The following CCDC83 variants were observed in gnomAD, a reference collection of about 807,000 sequenced individuals.
CCDC83 encodes coiled-coil domain containing 83, also known as coiled-coil domain-containing protein 83.
Under a neutral mutation model 50.1 loss-of-function variants are expected in CCDC83, and 54 were observed. The ratio of observed to expected loss-of-function variants is 1.08; its 90% CI spans 0.87 to 1.35. The LOEUF is 1.35. Among genes scored for constraint, CCDC83 ranks in the 40% most tolerant of loss-of-function variants. The pLI is 0.00. For missense variants in CCDC83, 518 were observed against 473.9 expected (o/e 1.09, Z -0.86); for synonymous variants, 161 against 153.3 (o/e 1.05, Z -0.37).
intron 8 of CCDC83, among the ~76,000 whole-genome samples, chr11:85,914,565 A>G (rs1037723341): frequency 2.0e-5 from 3 of 152,190 alleles, no homozygotes; most frequent in East Asian, 1.9e-4. Flanking sequence ...TCTCAAAACG[A>G]AAACCACTCA....
chr11:85,873,148 T>C, intron 2 of CCDC83, 63 bp from the exon 3 acceptor site: 1 of 856,472 alleles, frequency 1.2e-6, no homozygotes, highest in Non-Finnish European at 1.8e-6. Flanking sequence ...AAATACCTTT[T>C]AAATTTTTTC....
chr11:85,862,228 C>G (rs923315441), intron 1 of CCDC83, among the ~76,000 whole-genome samples: 3 of 151,934 alleles, frequency 2.0e-5, no homozygotes, highest in Non-Finnish European at 4.4e-5. Context: ...ATATTTATTG[C>G]AAGATTTTAT....
At chr11:85,887,139 T>A (rs1341618259) in intron 5 of CCDC83, among the ~76,000 whole-genome samples, 4 of 151,854 alleles carry the variant, frequency 2.6e-5, no homozygotes, top group Admixed American at 2.0e-4. Context: ...GGAACAAACA[T>A]GAGATGAGAA....
chr11:85,877,383 G>T (rs1407610578), intron 3 of CCDC83, among the ~76,000 whole-genome samples: 2 of 152,192 alleles, frequency 1.3e-5, no homozygotes, highest in African/African-American at 4.8e-5. Flanking sequence ...GAGGCAGGAA[G>T]ATGCTTGAGC....
intron 10 of CCDC83, chr11:85,916,463 T>C: frequency 2.2e-6 from 1 of 458,386 alleles, no homozygotes; most frequent in South Asian, 2.4e-5. Context: ...GTATACAAAG[T>C]AAGTTATCTA....
intron 5 of CCDC83, among the ~76,000 whole-genome samples, chr11:85,886,763 A>G (rs1480611701): frequency 5.3e-5 from 8 of 152,266 alleles, no homozygotes; most frequent in African/African-American, 1.9e-4. Context: ...AAATTAAAAA[A>G]TCAGTTGGGC....
intron 1 of CCDC83, among the ~76,000 whole-genome samples, chr11:85,862,253 G>A (rs754048408): frequency 2.0e-5 from 3 of 152,096 alleles, no homozygotes; most frequent in Non-Finnish European, 4.4e-5. Flanking sequence ...GAAAATGATG[G>A]AGTAGATTCT....
chr11:85,860,301 CAAAAAA>C (rs56657675), intron 1 of CCDC83, among the ~76,000 whole-genome samples: 3 of 55,944 alleles, frequency 5.4e-5, no homozygotes, highest in Admixed American at 1.8e-4. Flanking sequence ...GACTCCGTCT[CAAAAAA>C]AAAAAAAAAA....
chr11:85,906,726 T>A (rs925102843), intron 7 of CCDC83, among the ~76,000 whole-genome samples: 25 of 150,096 alleles, frequency 1.7e-4, no homozygotes, highest in Middle Eastern at 3.4e-3. Flanking sequence ...AAAAAAAAAA[T>A]TTTTTTAAAG....
At chr11:85,915,667 T>C (rs1479332090) in intron 9 of CCDC83, among the ~76,000 whole-genome samples, 169 bp downstream of exon 9, 1 of 152,166 alleles carries the variant, frequency 6.6e-6, no homozygotes, top group East Asian at 1.9e-4. Flanking sequence ...TCCTAATCTA[T>C]CTCCTGTCTG....
chr11:85,905,969 C>CA (rs760367430), intron 7 of CCDC83, among the ~76,000 whole-genome samples: 1,949 of 46,732 alleles, frequency 0.042, 87 homozygotes, highest in African/African-American at 0.086. Flanking sequence ...GACTCCGTCT[C>CA]AAAAAAAAAA....
At chr11:85,864,089 G>C (rs899824776) in intron 1 of CCDC83, among the ~76,000 whole-genome samples, 2 of 152,166 alleles carry the variant, frequency 1.3e-5, no homozygotes, top group Admixed American at 6.5e-5. Flanking sequence ...TAGGATTAAA[G>C]CCCATGTCTG....
intron 6 of CCDC83, among the ~76,000 whole-genome samples, chr11:85,897,892 C>A (rs947909726): frequency 1.3e-5 from 2 of 152,168 alleles, no homozygotes; most frequent in Non-Finnish European, 2.9e-5. Flanking sequence ...CGCGGTGGCT[C>A]ACACCTGTAA....
At chr11:85,879,966 C>T (rs1209429080) in intron 3 of CCDC83, among the ~76,000 whole-genome samples, 1 of 152,118 alleles carries the variant, frequency 6.6e-6, no homozygotes, top group East Asian at 1.9e-4. Context: ...GATCTCTATG[C>T]CTACCCCTCT....
intron 7 of CCDC83, among the ~76,000 whole-genome samples, chr11:85,904,775 C>T (rs1049958265): frequency 6.6e-6 from 1 of 152,198 alleles, no homozygotes. Flanking sequence ...TCTGCCCAGA[C>T]ACTCAAGATA....
intron 2 of CCDC83, among the ~76,000 whole-genome samples, chr11:85,866,828 A>G (rs1390833049): frequency 6.6e-6 from 1 of 152,192 alleles, no homozygotes; most frequent in Non-Finnish European, 1.5e-5. Flanking sequence ...AACAGGCATT[A>G]TGGAAACTCA....
At position 85,900,251 on chromosome 11, in the gene CCDC83, C is replaced by G. The variant is rs149764490; in HGVS notation, c.672+1236C>G. 8.1e-3 allele frequency among the ~76,000 whole-genome samples: 1,229 copies of G among 152,296 alleles called. 9 individuals carry two copies. Among genetic ancestry groups the G allele is most frequent in the Non-Finnish European group, 0.012 (823 of 68,008 alleles). On this transcript the variant is annotated intron_variant, in intron 7 of 10. Transcript: ENST00000342404. ...ATCAGTAAGCATCTGCCATCACCCTCTACAATTTCCCTCACATACCACCAA... is the reference window on the plus strand; with the variant it reads ...ATCAGTAAGCATCTGCCATCACCCTGTACAATTTCCCTCACATACCACCAA...
intron 10 of CCDC83, among the ~76,000 whole-genome samples, chr11:85,918,775 G>A (rs2093494766): frequency 6.6e-6 from 1 of 152,176 alleles, no homozygotes; most frequent in South Asian, 2.1e-4. Context: ...AAAGCAGGAA[G>A]GTATGGTCAT....
intron 7 of CCDC83, among the ~76,000 whole-genome samples, chr11:85,900,912 A>G (rs940512989): frequency 1.3e-5 from 2 of 151,876 alleles, no homozygotes; most frequent in Non-Finnish European, 2.9e-5. Flanking sequence ...TAAAAATACA[A>G]AAGTTAGCTG....
Sources: allele counts gnomAD v4.1 joint callset (sites outside exome capture counted in the v4.1 genomes callset), GRCh38; gene constraint gnomAD v4.1.1; transcripts MANE v1.5; gene names NCBI Gene and HGNC (gene_info 2026-07-23, HGNC 2026-07-21).